ZNF567: variants seen among roughly 807,000 people sequenced by gnomAD.
The protein encoded by ZNF567 is zinc finger protein 567.
Under a neutral mutation model 53.9 loss-of-function variants are expected in ZNF567, and 36 were observed. The ratio of observed to expected loss-of-function variants is 0.67; its 90% CI spans 0.51 to 0.88. ZNF567 has a LOEUF of 0.88. ZNF567 is among the 40% of genes least tolerant of loss of function. The pLI is 0.00. For synonymous variants in ZNF567, 224 were observed against 260.4 expected, an observed-to-expected ratio of 0.86 and a Z score of 1.35; for missense variants, 619 against 764.7, an observed-to-expected ratio of 0.81 and a Z score of 2.25.
chr19:36,714,862 A>G (rs957951248), intron 5 of ZNF567, among the ~76,000 whole-genome samples: 5 of 152,214 alleles, frequency 3.3e-5, no homozygotes, highest in African/African-American at 1.2e-4. Flanking sequence ...TATAATAGTC[A>G]TAACAGATTT....
the ZNF567 span, among the ~76,000 whole-genome samples, chr19:36,677,593 C>A: frequency 6.6e-6 from 1 of 151,534 alleles, no homozygotes; most frequent in East Asian, 1.9e-4. Context: ...ATGTCGAAAC[C>A]CCATCTCTAC....
intron 2 of ZNF567, among the ~76,000 whole-genome samples, chr19:36,693,573 A>C (rs2038729740): frequency 6.6e-6 from 1 of 152,258 alleles, no homozygotes; most frequent in African/African-American, 2.4e-5. Context: ...AAAATGTTTG[A>C]ACTTTCTAGC....
rs2040263628 is a variant in ZNF567 at position 36,720,510 on chromosome 19, A to G, written c.1786A>G (p.Lys596Glu). 1 of 1,614,182 alleles carries G rather than the reference A, an allele frequency of 6.2e-7. No individual in the cohort carries two copies. The highest frequency in any genetic ancestry group is 8.5e-7 in the Non-Finnish European group (1 of 1,180,026). The change falls in exon 6 of 6, where the codon AAG becomes GAG. Residue 596 changes from lysine to glutamate, a missense_variant. Lys to Glu is a moderately conservative substitution (Grantham distance 56). Transcript: ENST00000682579. ...EKPYKCSECG[K>E]CFRQKTNLIV... Reference sequence around the variant, plus strand: ...ACCATATAAATGTAGTGAATGTGGAAAGTGCTTCCGCCAGAAGACAAATCT... The same window carrying G: ...ACCATATAAATGTAGTGAATGTGGAGAGTGCTTCCGCCAGAAGACAAATCT...
chr19:36,723,359 G>GC, downstream of ZNF567: 1 of 659,640 alleles, frequency 1.5e-6, no homozygotes, highest in Middle Eastern at 2.4e-4. Context: ...CACTGCATGT[G>GC]CTGCCCTGTC....
downstream of ZNF567, among the ~76,000 whole-genome samples, chr19:36,725,532 A>G (rs145560428): frequency 2.2e-3 from 328 of 152,258 alleles, no homozygotes; most frequent in Non-Finnish European, 4.0e-3. Context: ...GTTGGGTACA[A>G]TGTGTTACGG....
intron 5 of ZNF567, among the ~76,000 whole-genome samples, chr19:36,713,070 G>A (rs1169064313): frequency 6.6e-6 from 1 of 152,100 alleles, no homozygotes; most frequent in Non-Finnish European, 1.5e-5. Context: ...CACTTTGGGA[G>A]GCCAAGGTGA....
At chr19:36,682,928 C>T (rs572941667), upstream of ZNF567, among the ~76,000 whole-genome samples, 2 of 151,514 alleles carry the variant, frequency 1.3e-5, no homozygotes, top group African/African-American at 4.8e-5. Context: ...TTTAAAAAGC[C>T]AGCACGCTAT....
At chr19:36,698,282 T>C (rs1195448424) in intron 3 of ZNF567, among the ~76,000 whole-genome samples, 5 of 151,568 alleles carry the variant, frequency 3.3e-5, no homozygotes, top group African/African-American at 9.7e-5. Flanking sequence ...GCATAGTATT[T>C]CATGGTGTAT....
At chr19:36,669,290 CT>C in the ZNF567 span, 1 of 152,040 alleles carries the variant, frequency 6.6e-6, no homozygotes, top group African/African-American at 2.4e-5. Flanking sequence ...TGTGATTAGA[CT>C]GTTGTGGCTT....
intron 3 of ZNF567, among the ~76,000 whole-genome samples, 158 bp downstream of exon 3, chr19:36,695,034 A>G (rs1464504027): frequency 4.0e-5 from 6 of 151,134 alleles, no homozygotes; most frequent in Admixed American, 6.6e-5. Context: ...ATAAGACTCT[A>G]CCTTCCACAA....
intron 5 of ZNF567, among the ~76,000 whole-genome samples, chr19:36,714,172 T>C (rs1276369454): frequency 6.6e-6 from 1 of 152,164 alleles, no homozygotes; most frequent in Non-Finnish European, 1.5e-5. Context: ...TTTTTTGTTT[T>C]TGTTTTTGAG....
chr19:36,705,726 T>G (rs901360169), intron 3 of ZNF567, among the ~76,000 whole-genome samples: 11 of 152,220 alleles, frequency 7.2e-5, no homozygotes, highest in African/African-American at 2.4e-4. Flanking sequence ...CTTATTGTTC[T>G]TCAGTCTGTT....
chr19:36,727,017 T>TC, downstream of ZNF567: 2 of 147,902 alleles, frequency 1.4e-5, no homozygotes, highest in Admixed American at 6.9e-5. Flanking sequence ...TTTCCTTTTT[T>TC]TTTTTCCTGT....
At chr19:36,715,494 AATAATAATAATAATAATTATT>A (rs1454104565) in intron 5 of ZNF567, among the ~76,000 whole-genome samples, 6,677 of 77,304 alleles carry the variant, frequency 0.086, 231 homozygotes, top group Non-Finnish European at 0.11. Context: ...TAATAATAAT[AATAATAATAATAATAATTATT>A]ATTATTATTA....
rs535487978 is a variant in ZNF567, at chr19:36,704,785, C to T, written c.10-7601C>T. ...AATTTATATAGAATTGGTATTATTT[C>T]TTAAACGTTTGTTAGAATTCACTGT... On this transcript the variant is annotated intron_variant, in intron 3 of 5. Transcript: ENST00000682579. Among the ~76,000 whole-genome samples the T allele has an allele frequency of 6.6e-5, 10 of 152,192 alleles. No individual in the cohort carries two copies. The East Asian group carries it at 1.9e-3, about 29-fold the overall frequency.
intron 3 of ZNF567, among the ~76,000 whole-genome samples, chr19:36,704,148 A>G (rs1034011798): frequency 1.3e-5 from 2 of 152,162 alleles, no homozygotes; most frequent in Admixed American, 6.5e-5. Flanking sequence ...TTTTCTCAAA[A>G]GTTTTTCTGG....
At chr19:36,685,281 C>T (rs537693121), upstream of ZNF567, among the ~76,000 whole-genome samples, 14 of 152,178 alleles carry the variant, frequency 9.2e-5, no homozygotes, top group African/African-American at 3.1e-4. Flanking sequence ...GAGCAAGACT[C>T]GGTCTCAAAA....
At chr19:36,698,170 C>T (rs534227282) in intron 3 of ZNF567, among the ~76,000 whole-genome samples, 5 of 151,982 alleles carry the variant, frequency 3.3e-5, no homozygotes, top group South Asian at 2.1e-4. Flanking sequence ...TGAGAACATG[C>T]GGTGTTTGAT....
At chr19:36,682,988 TG>T (rs1440644042), upstream of ZNF567, among the ~76,000 whole-genome samples, 2 of 151,984 alleles carry the variant, frequency 1.3e-5, no homozygotes, top group Admixed American at 1.3e-4. Context: ...TGTGTGTGTC[TG>T]TGTGTGTGTG....
Sources: gnomAD v4.1 joint callset for allele counts (sites outside exome capture counted in the v4.1 genomes callset) on GRCh38, gnomAD v4.1.1 for gene constraint, MANE v1.5 for transcripts, NCBI Gene and HGNC (gene_info 2026-07-23, HGNC 2026-07-21) for gene names.